Variants in ARHGAP10 observed in about 807,000 individuals in gnomAD.
ARHGAP10 encodes the protein Rho GTPase activating protein 10, also known as rho GTPase-activating protein 10.
ARHGAP10 carries 87 observed loss-of-function variants against 108.6 expected under a neutral mutation model. That is an observed-to-expected ratio of 0.80 (90% CI 0.67 to 0.96). The LOEUF is 0.96. Ranked by LOEUF, ARHGAP10 falls within the 40% of genes least tolerant of loss-of-function variation. The pLI, the probability that ARHGAP10 is intolerant of heterozygous loss-of-function variation, is 0.00. For missense variants in ARHGAP10, 939 were observed against 954.5 expected, an observed-to-expected ratio of 0.98 and a Z score of 0.21; for synonymous variants, 347 against 341.1, an observed-to-expected ratio of 1.02 and a Z score of -0.19.
intron 1 of ARHGAP10, among the ~76,000 whole-genome samples, chr4:147,741,491 G>A (rs1240937636): frequency 6.6e-6 from 1 of 152,092 alleles, no homozygotes; most frequent in Admixed American, 6.6e-5. Flanking sequence ...TAAACACAAT[G>A]TACATGGAGA....
chr4:147,774,922 T>C (rs1293624171), intron 1 of ARHGAP10, among the ~76,000 whole-genome samples: 1 of 151,958 alleles, frequency 6.6e-6, no homozygotes, highest in Non-Finnish European at 1.5e-5. Flanking sequence ...TTTTTTTTTT[T>C]TGAGACGGAG....
rs186272488 is a variant in ARHGAP10 at position 148,005,905 on chromosome 4, C to G, written c.1717-17358C>G. 1.6e-3 allele frequency among the ~76,000 whole-genome samples: 240 copies of G among 152,334 alleles called. 1 individual carries two copies. Among genetic ancestry groups the G allele is most frequent in the African/African-American group, 5.2e-3 (216 of 41,576 alleles). On this transcript the variant is annotated intron_variant, in intron 18 of 22. Transcript: ENST00000336498. ...TTATTTTACTCATGCAAATTACCGT[C>G]TCATTACACAATATTAGGTGAAACA...
chr4:147,747,298 CTT>C (rs1460309546), intron 1 of ARHGAP10, among the ~76,000 whole-genome samples: 1 of 152,068 alleles, frequency 6.6e-6, no homozygotes, highest in Non-Finnish European at 1.5e-5. Flanking sequence ...GTGTCTGCCT[CTT>C]TGTCCAAGAG....
intron 10 of ARHGAP10, among the ~76,000 whole-genome samples, chr4:147,890,477 C>T (rs140940392): frequency 5.6e-4 from 86 of 152,282 alleles, no homozygotes; most frequent in African/African-American, 1.9e-3. Flanking sequence ...AATATATAGA[C>T]AAATAACAAT....
chr4:147,961,987 C>T (rs1246434820), intron 16 of ARHGAP10, among the ~76,000 whole-genome samples: 1 of 152,238 alleles, frequency 6.6e-6, no homozygotes, highest in Non-Finnish European at 1.5e-5. Context: ...AGTTAGCTTT[C>T]TGTAGAAGTT....
chr4:147,784,703 T>A (rs1410393547), intron 1 of ARHGAP10, among the ~76,000 whole-genome samples: 2 of 89,318 alleles, frequency 2.2e-5, no homozygotes, highest in Admixed American at 4.0e-4. Flanking sequence ...TATTATAAAA[T>A]ATATATTATA....
At chr4:147,818,791 T>G (rs1195358703) in intron 1 of ARHGAP10, among the ~76,000 whole-genome samples, 1 of 152,136 alleles carries the variant, frequency 6.6e-6, no homozygotes, top group Non-Finnish European at 1.5e-5. Context: ...CTATAAAATA[T>G]GAACTGCATG....
intron 15 of ARHGAP10, among the ~76,000 whole-genome samples, chr4:147,949,203 T>G (rs536869059): frequency 6.6e-6 from 1 of 152,246 alleles, no homozygotes. Flanking sequence ...ACTATTGTTA[T>G]TCCTGATTGA....
chr4:147,937,355 C>A (rs909811906), intron 13 of ARHGAP10, among the ~76,000 whole-genome samples: 7 of 152,064 alleles, frequency 4.6e-5, no homozygotes, highest in African/African-American at 1.7e-4. Flanking sequence ...TTTGTGCCCA[C>A]CCTGGTGACC....
chr4:147,762,092 C>T (rs1401015803), intron 1 of ARHGAP10, among the ~76,000 whole-genome samples: 1 of 152,166 alleles, frequency 6.6e-6, no homozygotes, highest in Non-Finnish European at 1.5e-5. Context: ...ATCGCAACCT[C>T]TGCCTCCTAA....
intron 16 of ARHGAP10, among the ~76,000 whole-genome samples, chr4:147,962,936 T>C (rs7682961): frequency 0.18 from 27,008 of 152,128 alleles, 3,559 homozygotes; most frequent in African/African-American, 0.38. Flanking sequence ...GCTGGGATTA[T>C]AGGCATGAGC....
intron 12 of ARHGAP10, among the ~76,000 whole-genome samples, chr4:147,911,390 T>C (rs1323610769): frequency 1.3e-5 from 2 of 152,100 alleles, no homozygotes; most frequent in African/African-American, 4.8e-5. Context: ...GGAGACAGAG[T>C]CTTGCTCTGT....
intron 13 of ARHGAP10, among the ~76,000 whole-genome samples, chr4:147,937,717 T>A (rs1738010825): frequency 6.6e-6 from 1 of 152,188 alleles, no homozygotes; most frequent in Admixed American, 6.5e-5. Context: ...TATTGGCTCA[T>A]GCCTGTAATC....
chr4:147,768,851 T>G (rs1729947838), intron 1 of ARHGAP10, among the ~76,000 whole-genome samples: 1 of 151,738 alleles, frequency 6.6e-6, no homozygotes, highest in Non-Finnish European at 1.5e-5. Context: ...CGATTCTTCT[T>G]CCTCAGACTC....
At chr4:147,964,758 T>C (rs1424022007) in intron 16 of ARHGAP10, among the ~76,000 whole-genome samples, 1 of 152,198 alleles carries the variant, frequency 6.6e-6, no homozygotes, top group African/African-American at 2.4e-5. Context: ...CTGTCCGTTC[T>C]GTAATATAAA....
At chr4:147,764,533 A>G (rs1729716472) in intron 1 of ARHGAP10, among the ~76,000 whole-genome samples, 1 of 151,784 alleles carries the variant, frequency 6.6e-6, no homozygotes, top group Non-Finnish European at 1.5e-5. Context: ...TTCAGCAAAC[A>G]TTTATTTTTT....
At chr4:147,954,164 G>A (rs1396913184) in intron 15 of ARHGAP10, among the ~76,000 whole-genome samples, 1 of 152,016 alleles carries the variant, frequency 6.6e-6, no homozygotes, top group Admixed American at 6.6e-5. Flanking sequence ...GGGAATGTGT[G>A]TTCTGCTTTT....
At chr4:147,891,782 G>GGAGA (rs1242323703) in intron 10 of ARHGAP10, among the ~76,000 whole-genome samples, 2 of 152,056 alleles carry the variant, frequency 1.3e-5, no homozygotes, top group Non-Finnish European at 1.5e-5. Flanking sequence ...TTTTTAGGTT[G>GGAGA]GAGACATTGT....
intron 1 of ARHGAP10, among the ~76,000 whole-genome samples, chr4:147,814,378 T>G (rs1304522547): frequency 6.6e-6 from 1 of 152,136 alleles, no homozygotes; most frequent in Non-Finnish European, 1.5e-5. Context: ...ATACAGTAAC[T>G]GTTGGCTTTG....
Sources: allele counts gnomAD v4.1 joint callset (sites outside exome capture counted in the v4.1 genomes callset), GRCh38; gene constraint gnomAD v4.1.1; transcripts MANE v1.5; gene names NCBI Gene and HGNC (gene_info 2026-07-23, HGNC 2026-07-21).